The following AP3M1 variants were observed in gnomAD, a reference collection of about 807,000 sequenced individuals.
AP3M1 encodes the protein adaptor related protein complex 3 subunit mu 1, also known as AP-3 complex subunit mu-1.
A neutral mutation model predicts 42.6 loss-of-function variants in AP3M1; 29 were observed. The observed-to-expected ratio is 0.68, with a 90% confidence interval of 0.51 to 0.93. The LOEUF is 0.93. Ranked by LOEUF, AP3M1 falls within the 40% of genes least tolerant of loss-of-function variation. The probability of loss-of-function intolerance (pLI) is 0.00; values close to 1 mark genes in which losing one functional copy is unlikely to be tolerated. For missense variants in AP3M1, 416 were observed against 510.2 expected, an observed-to-expected ratio of 0.82 and a Z score of 1.78; for synonymous variants, 178 against 175.3, an observed-to-expected ratio of 1.02 and a Z score of -0.12.
At chr10:74,131,302 G>C (rs573567487) in intron 4 of AP3M1, among the ~76,000 whole-genome samples, 41 of 151,784 alleles carry the variant, frequency 2.7e-4, no homozygotes, top group African/African-American at 7.7e-4. Flanking sequence ...CGAGTAGCTG[G>C]GACTACAGGC....
intron 2 of AP3M1, among the ~76,000 whole-genome samples, chr10:74,137,057 T>G (rs772177438): frequency 6.6e-6 from 1 of 152,146 alleles, no homozygotes; most frequent in Admixed American, 6.5e-5. Flanking sequence ...CTGGCCAACA[T>G]GGTGAAACCC....
At chr10:74,130,670 T>C (rs1000271999) in intron 4 of AP3M1, among the ~76,000 whole-genome samples, 2 of 152,122 alleles carry the variant, frequency 1.3e-5, no homozygotes, top group African/African-American at 4.8e-5. Flanking sequence ...CTCAAACTTC[T>C]GGGCTCAAGC....
intron 3 of AP3M1, among the ~76,000 whole-genome samples, chr10:74,136,347 C>T (rs1311930328): frequency 1.3e-5 from 2 of 151,538 alleles, no homozygotes; most frequent in Non-Finnish European, 2.9e-5. Flanking sequence ...TTAGGAATAA[C>T]TGGAACAATT....
chr10:74,128,975 C>A lies in AP3M1; in HGVS notation c.803+133G>T. On this transcript the variant is annotated intron_variant, in intron 6 of 8. Transcript: ENST00000355264. The stretch of plus-strand genomic sequence containing the variant: ...AGGTGCGTATTTTCACCCGTTCTCA[C>A]TGGGTCTCCTGGTGAGCTATGGTTA... 3.8e-6 allele frequency: 4 copies of A among 1,052,212 alleles called. No homozygotes were observed. The South Asian group carries it at 6.2e-5, about 16-fold the overall frequency. The allele number at this position is 1,052,212 out of a possible 1,614,324, so 65.2% of individuals were successfully genotyped here.
chr10:74,128,233 C>T (rs1008382686), intron 6 of AP3M1, among the ~76,000 whole-genome samples: 4 of 149,510 alleles, frequency 2.7e-5, no homozygotes, highest in African/African-American at 1.0e-4. Context: ...AACTCCGATC[C>T]CCAATGCTAA....
intron 7 of AP3M1, 32 bp from the exon 8 acceptor site, chr10:74,124,556 A>G (rs377483706): frequency 1.9e-6 from 3 of 1,549,402 alleles, no homozygotes; most frequent in Non-Finnish European, 2.6e-6. Context: ...AAACAAATAG[A>G]ACCATTTATT....
chr10:74,138,332 T>C lies in AP3M1; in HGVS notation c.48A>G (p.Leu16=), dbSNP rs147488745. ...TCACAACGCTCTTCCAGTGCTTCTC[T>C]AGAAATATGTCACCGGAACAGTTTA... ...FLINCSGDIF[L]EKHWKSVVSQ... is the part of the protein sequence containing the mutation. Residue 16 remains leucine (L), a synonymous_variant, in exon 2 of 9, where the codon CTA becomes CTG. Coordinates refer to ENST00000355264, the MANE Select transcript of AP3M1 (RefSeq NM_012095.6). The C allele has an allele frequency of 1.2e-6, 2 of 1,614,182 alleles. No homozygotes were observed. Among genetic ancestry groups the C allele is most frequent in the South Asian group, 2.2e-5 (2 of 91,084 alleles).
chr10:74,133,392 C>T (rs1840840452), intron 4 of AP3M1, among the ~76,000 whole-genome samples: 1 of 144,798 alleles, frequency 6.9e-6, no homozygotes, highest in South Asian at 2.2e-4. Flanking sequence ...GAAACTGCGT[C>T]TCAAAAAAAA....
intron 1 of AP3M1, among the ~76,000 whole-genome samples, chr10:74,140,081 G>A (rs1174552946): frequency 6.6e-6 from 1 of 152,210 alleles, no homozygotes; most frequent in Non-Finnish European, 1.5e-5. Flanking sequence ...GTGCTTGGGA[G>A]CAGGGACCCC....
chr10:74,125,378 A>G (rs1840584628), intron 7 of AP3M1, among the ~76,000 whole-genome samples: 1 of 152,252 alleles, frequency 6.6e-6, no homozygotes, highest in Non-Finnish European at 1.5e-5. Flanking sequence ...TTCGGTGTGA[A>G]GGCTCAACAG....
Position 74,126,239 on chromosome 10 carries a change from C to G in AP3M1, c.920G>C (p.Gly307Ala). ...TGGCATGTGAACTGTCACTGTAATT[C>G]CTTCAATAGTTTTCCCCATATTCTG... is the stretch of plus-strand genomic sequence containing the variant. ...PKQNMGKTIE[G>A]ITVTVHMPKV... Residue 307 changes from glycine (G) to alanine (A), a missense_variant, in exon 7 of 9, where the codon GGA becomes GCA. Transcript: ENST00000355264. 1 of 1,614,180 alleles carries G rather than the reference C, an allele frequency of 6.2e-7. No homozygotes were observed. The highest frequency in any genetic ancestry group is 8.5e-7 in the Non-Finnish European group (1 of 1,180,032).
intron 1 of AP3M1, among the ~76,000 whole-genome samples, chr10:74,148,856 C>A (rs1261357991): frequency 1.3e-5 from 2 of 151,638 alleles, no homozygotes; most frequent in Non-Finnish European, 2.9e-5. Context: ...CGCACTCCAT[C>A]TGCCCATAGT....
At chr10:74,138,727 T>C (rs1258073839) in intron 1 of AP3M1, 2 of 182,278 alleles carry the variant, frequency 1.1e-5, no homozygotes, top group East Asian at 3.4e-4. Context: ...GCTCAGGAGT[T>C]TGAGACCAGC....
chr10:74,140,382 C>T (rs1052184521), intron 1 of AP3M1, among the ~76,000 whole-genome samples: 1 of 152,236 alleles, frequency 6.6e-6, no homozygotes, highest in Non-Finnish European at 1.5e-5. Flanking sequence ...CCCTTCTGTG[C>T]CGACCAGCGC....
chr10:74,138,544 A>G (rs73282417), intron 1 of AP3M1, among the ~76,000 whole-genome samples, 162 bp from the exon 2 acceptor site: 5,695 of 151,694 alleles, frequency 0.038, 407 homozygotes, highest in African/African-American at 0.13. Flanking sequence ...AACTAAAACA[A>G]TCATTTCAAA....
At chr10:74,140,344 G>A (rs1171848952) in intron 1 of AP3M1, among the ~76,000 whole-genome samples, 4 of 152,236 alleles carry the variant, frequency 2.6e-5, no homozygotes, top group Non-Finnish European at 4.4e-5. Flanking sequence ...ACCTGTAACC[G>A]GTGGACTTCC....
rs138795316 is a variant in AP3M1 at position 74,139,210 on chromosome 10, A to C, written c.-3-828T>G. ...ATATATAGAAAATCCTAAGGAATCC[A>C]CACACACACAAAAAAAAACCTATTA... On this transcript the variant is annotated intron_variant, in intron 1 of 8. Transcript: ENST00000355264. Among the ~76,000 whole-genome samples the C allele has an allele frequency of 3.9e-5, 6 of 152,144 alleles. No individual in the cohort carries two copies. The East Asian group carries it at 1.2e-3, about 29-fold the overall frequency.
chr10:74,142,130 C>T (rs1841172395), intron 1 of AP3M1, among the ~76,000 whole-genome samples: 1 of 152,082 alleles, frequency 6.6e-6, no homozygotes, highest in African/African-American at 2.4e-5. Context: ...AGTTATGCTT[C>T]CTATAAGAAG....
chr10:74,129,234 C>T lies in AP3M1; in HGVS notation c.677G>A (p.Arg226Lys), dbSNP rs758899537. The T allele has an allele frequency of 2.6e-5, 42 of 1,613,740 alleles. No homozygotes were observed. The highest frequency in any genetic ancestry group is 1.6e-4 in the Middle Eastern group (1 of 6,084). The change falls in exon 6 of 9, where the codon AGG becomes AAG. Residue 226 changes from arginine (R) to lysine (K), a missense_variant. Transcript: ENST00000355264. ...PDLSLSFMNP[R>K]LLDDVSFHPC... Reference sequence around the variant, plus strand: ...GTGAAAGCTGACATCATCCAGAAGCCTAGGGTTCTGCCAGAAAAACAGAAG... The same window carrying T: ...GTGAAAGCTGACATCATCCAGAAGCTTAGGGTTCTGCCAGAAAAACAGAAG...
Sources: gnomAD v4.1 joint callset for allele counts (sites outside exome capture counted in the v4.1 genomes callset) on GRCh38, gnomAD v4.1.1 for gene constraint, MANE v1.5 for transcripts, NCBI Gene and HGNC (gene_info 2026-07-23, HGNC 2026-07-21) for gene names.